XKR6: variants seen among roughly 807,000 people sequenced by gnomAD.
The protein encoded by XKR6 is XK-related protein 6.
In XKR6, 22 loss-of-function variants were observed where a neutral mutation model predicts 56.7. That is an observed-to-expected ratio of 0.39 (90% CI 0.28 to 0.55). XKR6 has a LOEUF of 0.55. Among genes scored for constraint, XKR6 ranks in the 20% least tolerant of loss-of-function variants. The pLI, the probability that XKR6 is intolerant of heterozygous loss-of-function variation, is 0.66. For synonymous variants in XKR6, 524 were observed against 387.8 expected, an observed-to-expected ratio of 1.35 and a Z score of -4.13; for missense variants, 852 against 889.0, an observed-to-expected ratio of 0.96 and a Z score of 0.53.
At chr8:11,160,760 T>G (rs1299361731) in intron 1 of XKR6, among the ~76,000 whole-genome samples, 1 of 151,702 alleles carries the variant, frequency 6.6e-6, no homozygotes, top group African/African-American at 2.4e-5. Context: ...ATACAAAAAT[T>G]AGCTGGGTAT....
chr8:11,030,152 C>A (rs1026873674), intron 1 of XKR6, among the ~76,000 whole-genome samples: 1 of 152,202 alleles, frequency 6.6e-6, no homozygotes, highest in Admixed American at 6.5e-5. Context: ...TTGGCTCAGT[C>A]CACCCCCTCT....
chr8:10,923,413 G>C (rs1397877094), intron 2 of XKR6, among the ~76,000 whole-genome samples: 4 of 152,194 alleles, frequency 2.6e-5, no homozygotes, highest in African/African-American at 7.2e-5. Flanking sequence ...CTTCACCTGA[G>C]CCGAGTTTGT....
intron 1 of XKR6, among the ~76,000 whole-genome samples, chr8:11,016,193 T>C (rs1798617224): frequency 6.6e-6 from 1 of 152,126 alleles, no homozygotes. Context: ...CCAGCTGGAC[T>C]AAAAGCCCCG....
At chr8:10,991,705 G>A (rs752227308) in intron 1 of XKR6, among the ~76,000 whole-genome samples, 7 of 152,136 alleles carry the variant, frequency 4.6e-5, no homozygotes, top group Non-Finnish European at 8.8e-5. Flanking sequence ...CCAGAATCAT[G>A]ATTTCTAAAT....
intron 1 of XKR6, among the ~76,000 whole-genome samples, chr8:11,090,229 T>C (rs528972564): frequency 1.3e-5 from 2 of 152,210 alleles, no homozygotes; most frequent in Admixed American, 6.5e-5. Flanking sequence ...AGACTAGAGG[T>C]GTGCACCAAC....
chr8:11,090,043 T>C (rs756052252), intron 1 of XKR6, among the ~76,000 whole-genome samples: 2 of 152,228 alleles, frequency 1.3e-5, no homozygotes, highest in Non-Finnish European at 1.5e-5. Context: ...AGTTGGACAG[T>C]ATTATAGTAT....
chr8:11,049,220 G>A (rs1215702254), intron 1 of XKR6, among the ~76,000 whole-genome samples: 1 of 152,232 alleles, frequency 6.6e-6, no homozygotes, highest in East Asian at 1.9e-4. Context: ...TCTAATGGCT[G>A]CAAGGCACCC....
intron 2 of XKR6, among the ~76,000 whole-genome samples, chr8:10,908,788 A>C (rs1257747317): frequency 6.6e-6 from 1 of 152,228 alleles, no homozygotes; most frequent in East Asian, 1.9e-4. Context: ...TGGTTAGGCC[A>C]TGAGGGCTCT....
intron 1 of XKR6, among the ~76,000 whole-genome samples, chr8:11,039,496 C>G (rs1393820895): frequency 6.6e-6 from 1 of 152,244 alleles, no homozygotes; most frequent in South Asian, 2.1e-4. Context: ...CTTCTGTGTG[C>G]CTTTTCTCTT....
At chr8:11,170,452 A>G (rs1447256576) in intron 1 of XKR6, among the ~76,000 whole-genome samples, 2 of 152,208 alleles carry the variant, frequency 1.3e-5, no homozygotes, top group African/African-American at 4.8e-5. Flanking sequence ...GTTAATCACA[A>G]AAGACCACAT....
rs569143006 is a variant in XKR6, at chr8:11,074,398, T to C, written c.764+126178A>G. On this transcript the variant is annotated intron_variant, in intron 1 of 2. Transcript: ENST00000416569. ...GACGATGCACCAGCAAGATCCAGCC[T>C]GCAAGACTGCCCAGCCCTGCCCAGA... Among the ~76,000 whole-genome samples the C allele has an allele frequency of 1.4e-4, 22 of 152,334 alleles. 1 individual carries two copies. In the East Asian group the frequency reaches 3.9e-3, roughly 27 times the overall value.
chr8:10,904,195 C>T (rs1170207247), intron 2 of XKR6, among the ~76,000 whole-genome samples: 3 of 152,144 alleles, frequency 2.0e-5, no homozygotes, highest in Non-Finnish European at 4.4e-5. Flanking sequence ...CTGGTGCAGA[C>T]CAGGAGGCAG....
intron 2 of XKR6, among the ~76,000 whole-genome samples, chr8:10,912,805 G>A (rs1027293976): frequency 8.9e-5 from 13 of 146,780 alleles, no homozygotes; most frequent in African/African-American, 3.3e-4. Flanking sequence ...TATATAGAGA[G>A]AGAGGCGAGT....
intron 1 of XKR6, among the ~76,000 whole-genome samples, chr8:11,139,012 A>T (rs1800544233): frequency 6.6e-6 from 1 of 152,148 alleles, no homozygotes; most frequent in Non-Finnish European, 1.5e-5. Flanking sequence ...CATTCTGGAT[A>T]ATTTTCAGTA....
At chr8:11,026,902 T>C (rs1486017732) in intron 1 of XKR6, among the ~76,000 whole-genome samples, 1 of 151,956 alleles carries the variant, frequency 6.6e-6, no homozygotes, top group Non-Finnish European at 1.5e-5. Flanking sequence ...TGGTCTAGCC[T>C]ACTACACACC....
intron 1 of XKR6, among the ~76,000 whole-genome samples, chr8:11,104,317 T>C (rs1164163896): frequency 6.6e-6 from 1 of 152,258 alleles, no homozygotes; most frequent in Non-Finnish European, 1.5e-5. Flanking sequence ...AGGAAGAGTA[T>C]CAACCCCAAT....
intron 1 of XKR6, among the ~76,000 whole-genome samples, chr8:10,981,295 G>T (rs1185118044): frequency 6.6e-6 from 1 of 152,194 alleles, no homozygotes; most frequent in East Asian, 1.9e-4. Flanking sequence ...CCCATGGCAG[G>T]ATTAACTCTA....
chr8:11,032,243 G>A (rs536898265), intron 1 of XKR6, among the ~76,000 whole-genome samples: 17 of 152,284 alleles, frequency 1.1e-4, no homozygotes, highest in African/African-American at 3.8e-4. Context: ...CTCCCCTCCA[G>A]AAAAAGCAAA....
At chr8:11,025,664 T>C (rs1478015109) in intron 1 of XKR6, among the ~76,000 whole-genome samples, 1 of 152,250 alleles carries the variant, frequency 6.6e-6, no homozygotes, top group Non-Finnish European at 1.5e-5. Flanking sequence ...TGTGAATTCA[T>C]GAGTTACGAT....
Sources: gnomAD v4.1 joint callset for allele counts (sites outside exome capture counted in the v4.1 genomes callset) on GRCh38, gnomAD v4.1.1 for gene constraint, MANE v1.5 for transcripts, NCBI Gene and HGNC (gene_info 2026-07-23, HGNC 2026-07-21) for gene names.